Variants in USH2A observed in about 807,000 individuals in gnomAD.
USH2A encodes usherin.
In USH2A, 443 loss-of-function variants were observed where a neutral mutation model predicts 538.9. The ratio of observed to expected loss-of-function variants is 0.82; its 90% confidence interval spans 0.76 to 0.89. The LOEUF (loss-of-function observed/expected upper bound fraction) is 0.89, where lower values mean the gene tolerates loss of function less well. Among genes scored for constraint, USH2A ranks in the 40% least tolerant of loss-of-function variants. USH2A has a pLI of 0.00. For synonymous variants in USH2A, 2,413 were observed against 2,273.5 expected (o/e 1.06, Z -1.75); for missense variants, 6,633 against 6,324.8 (o/e 1.05, Z -1.65).
chr1:215,639,526 T>C (rs2102634969), intron 68 of USH2A, among the ~76,000 whole-genome samples: 1 of 152,296 alleles, frequency 6.6e-6, no homozygotes, highest in South Asian at 2.1e-4. Context: ...ACAAAGCGCA[T>C]CTTGTTCTGC....
chr1:215,699,756 A>T (rs1420065534), intron 61 of USH2A, among the ~76,000 whole-genome samples: 1 of 152,158 alleles, frequency 6.6e-6, no homozygotes, highest in East Asian at 1.9e-4. Flanking sequence ...CTGCAAACAG[A>T]GATAATTTGA....
In USH2A at chr1:216,105,022, A is replaced by G. The variant is rs1490273684; in HGVS notation, c.4628-7809T>C. Reference sequence around the variant, plus strand: ...AAGGATATGAACACATACTTCTCAAAAGAAGACATTTATGCAGCCAACAGA... The same window carrying G: ...AAGGATATGAACACATACTTCTCAAGAGAAGACATTTATGCAGCCAACAGA... On this transcript the variant is annotated intron_variant, in intron 21 of 71. Transcript: ENST00000307340. 3.9e-5 allele frequency among the ~76,000 whole-genome samples: 6 copies of G among 152,324 alleles called. No homozygotes were observed. The East Asian group carries it at 1.2e-3, about 29-fold the overall frequency.
At chr1:216,085,401 T>C (rs1013027457) in intron 24 of USH2A, among the ~76,000 whole-genome samples, 14 of 151,390 alleles carry the variant, frequency 9.2e-5, no homozygotes, top group African/African-American at 3.4e-4. Flanking sequence ...GTGAATAGGG[T>C]GATAACAGAA....
chr1:216,013,104 C>T (rs997112196), intron 32 of USH2A, among the ~76,000 whole-genome samples: 2 of 152,176 alleles, frequency 1.3e-5, no homozygotes, highest in Non-Finnish European at 2.9e-5. Context: ...TCCTTAGGCA[C>T]TCTCTAATCA....
chr1:216,057,645 C>T (rs113485020), intron 30 of USH2A, among the ~76,000 whole-genome samples: 1,887 of 152,118 alleles, frequency 0.012, 50 homozygotes, highest in African/African-American at 0.043. Flanking sequence ...TGAGATGGTG[C>T]CAATGCACTC....
rs1294069354 is a variant in USH2A at position 216,283,634 on chromosome 1, ATTTG to A, written c.1971+5642_1971+5645del. The stretch of plus-strand genomic sequence containing the variant: ...TAGTATTTTTAGCCCTCTACTTGTT[ATTTG>A]TTTATCTCAAATCACAAAAAATTGT... On this transcript the variant is annotated intron_variant, in intron 11 of 71. Coordinates refer to ENST00000307340, the MANE Select transcript of USH2A (RefSeq NM_206933.4). Among the ~76,000 whole-genome samples the A allele has an allele frequency of 5.3e-5, 8 of 152,250 alleles. 1 individual carries two copies. The highest frequency in any genetic ancestry group is 1.2e-4 in the African/African-American group (5 of 41,568).
intron 69 of USH2A, among the ~76,000 whole-genome samples, chr1:215,637,619 G>A (rs543541874): frequency 5.9e-5 from 9 of 152,248 alleles, no homozygotes; most frequent in East Asian, 5.8e-4. Context: ...GAAATAAGCC[G>A]TATGAGAAGA....
At chr1:216,021,804 C>G (rs1234275932) in intron 32 of USH2A, among the ~76,000 whole-genome samples, 1 of 152,178 alleles carries the variant, frequency 6.6e-6, no homozygotes, top group African/African-American at 2.4e-5. Context: ...CTGGGTATAT[C>G]TGGCAAATTG....
intron 30 of USH2A, among the ~76,000 whole-genome samples, chr1:216,067,669 G>A (rs138553981): frequency 9.9e-5 from 15 of 152,132 alleles, no homozygotes; most frequent in Non-Finnish European, 2.1e-4. Context: ...GAGGTGAAAA[G>A]TCCAGAGTAA....
chr1:216,341,771 G>T (rs939558543), intron 4 of USH2A, among the ~76,000 whole-genome samples: 1 of 152,124 alleles, frequency 6.6e-6, no homozygotes, highest in Admixed American at 6.6e-5. Flanking sequence ...TATAAATGGT[G>T]CTGGGAAAAC....
chr1:216,226,638 C>T (rs911254996), intron 14 of USH2A, among the ~76,000 whole-genome samples: 1 of 152,154 alleles, frequency 6.6e-6, no homozygotes, highest in Non-Finnish European at 1.5e-5. Flanking sequence ...CATTAGGTAT[C>T]TCTCACCTTT....
intron 50 of USH2A, among the ~76,000 whole-genome samples, chr1:215,793,618 T>C (rs912645597): frequency 2.6e-5 from 4 of 152,178 alleles, no homozygotes; most frequent in Non-Finnish European, 1.5e-5. Context: ...AAATGTTTTT[T>C]CAATGCCACC....
intron 30 of USH2A, 98 bp downstream of exon 30, chr1:216,070,003 A>T: frequency 7.3e-7 from 1 of 1,366,516 alleles, no homozygotes; most frequent in Non-Finnish European, 1.0e-6. Context: ...ATGTATATTT[A>T]ATACATTTTT....
intron 30 of USH2A, among the ~76,000 whole-genome samples, chr1:216,064,160 T>G (rs1003543455): frequency 6.6e-6 from 1 of 152,222 alleles, no homozygotes; most frequent in African/African-American, 2.4e-5. Flanking sequence ...TCTGTATGAT[T>G]ATCATAGACT....
chr1:215,823,509 C>A (rs1485341947), intron 47 of USH2A, among the ~76,000 whole-genome samples: 3 of 151,940 alleles, frequency 2.0e-5, no homozygotes, highest in Non-Finnish European at 4.4e-5. Context: ...TTGTTATATG[C>A]CTTGGAATAA....
intron 51 of USH2A, 120 bp downstream of exon 51, chr1:215,789,939 G>A: frequency 1.1e-6 from 1 of 910,226 alleles, no homozygotes. Context: ...TGGATGTAAT[G>A]TGAAAATGAA....
intron 18 of USH2A, among the ~76,000 whole-genome samples, chr1:216,197,408 C>T (rs1379272707): frequency 1.3e-5 from 2 of 152,066 alleles, no homozygotes; most frequent in Non-Finnish European, 2.9e-5. Flanking sequence ...GCAGTTTCAC[C>T]CATTACTTTT....
chr1:216,173,890 G>A (rs2034320164), intron 21 of USH2A: 1 of 887,274 alleles, frequency 1.1e-6, no homozygotes, highest in African/African-American at 1.8e-5. Flanking sequence ...TTTCATTTGA[G>A]AAAAGAGTTT....
At chr1:216,268,421 G>A (rs2036515563) in intron 11 of USH2A, among the ~76,000 whole-genome samples, 1 of 152,058 alleles carries the variant, frequency 6.6e-6, no homozygotes, top group Admixed American at 6.6e-5. Flanking sequence ...ATGTAAACAT[G>A]TTTAGCATCA....
Sources: allele counts gnomAD v4.1 joint callset (sites outside exome capture counted in the v4.1 genomes callset), GRCh38; gene constraint gnomAD v4.1.1; transcripts MANE v1.5; gene names NCBI Gene and HGNC (gene_info 2026-07-23, HGNC 2026-07-21).